The following GLI1 variants were observed in gnomAD, a reference collection of about 807,000 sequenced individuals.
GLI1 encodes transcription activator GLI1.
GLI1 carries 51 observed loss-of-function variants against 87.8 expected under a neutral mutation model. That is an observed-to-expected ratio of 0.58 (90% confidence interval 0.46 to 0.73). The LOEUF is 0.73. Among genes scored for constraint, GLI1 ranks in the 30% least tolerant of loss-of-function variants. The pLI, the probability that GLI1 is intolerant of heterozygous loss-of-function variation, is 0.00. For missense variants in GLI1, 1,292 were observed against 1,437.2 expected, an observed-to-expected ratio of 0.90 and a Z score of 1.63; for synonymous variants, 528 against 558.2, an observed-to-expected ratio of 0.95 and a Z score of 0.76.
intron 8 of GLI1, 110 bp from the exon 9 acceptor site, chr12:57,467,223 T>C: frequency 1.1e-6 from 1 of 925,166 alleles, no homozygotes; most frequent in Non-Finnish European, 1.6e-6. Context: ...CCCAGTGCCT[T>C]TCATCTTGAG....
intron 7 of GLI1, 92 bp downstream of exon 7, chr12:57,466,017 A>G (rs985083479): frequency 7.8e-7 from 1 of 1,283,192 alleles, no homozygotes; most frequent in Non-Finnish European, 1.1e-6. Flanking sequence ...GCAGGAGGTC[A>G]GAGGAGACTG....
intron 11 of GLI1, among the ~76,000 whole-genome samples, 168 bp downstream of exon 11, chr12:57,469,866 A>G (rs1480482355): frequency 2.0e-5 from 3 of 152,196 alleles, no homozygotes; most frequent in Non-Finnish European, 4.4e-5. Flanking sequence ...TGTGATGTAC[A>G]AACATGCAAA....
At chr12:57,468,980 C>G (rs902418952) in intron 10 of GLI1, among the ~76,000 whole-genome samples, 1 of 152,164 alleles carries the variant, frequency 6.6e-6, no homozygotes, top group Non-Finnish European at 1.5e-5. Context: ...TCTTGATCTC[C>G]TGACCTCGTG....
chr12:57,463,442 T>A (rs1366241635), intron 1 of GLI1, among the ~76,000 whole-genome samples: 1 of 152,164 alleles, frequency 6.6e-6, no homozygotes, highest in Non-Finnish European at 1.5e-5. Flanking sequence ...GGTCTTCAAC[T>A]GACCTCAGGT....
At chr12:57,470,016 G>T (rs1278148718) in intron 11 of GLI1, among the ~76,000 whole-genome samples, 2 of 152,214 alleles carry the variant, frequency 1.3e-5, no homozygotes, top group Admixed American at 1.3e-4. Context: ...CAACAAGAGC[G>T]AAACTCTGTT....
intron 11 of GLI1, 137 bp downstream of exon 11, chr12:57,469,835 T>C (rs749301243): frequency 6.4e-6 from 5 of 776,286 alleles, no homozygotes; most frequent in Non-Finnish European, 8.1e-6. Flanking sequence ...TCAAGACACT[T>C]TCCATTTATC....
Position 57,466,281 on chromosome 12 carries a change from C to G in GLI1, c.804C>G (p.Phe268Leu), listed in dbSNP as rs200253557. The change falls in exon 8 of 12, where the codon TTC (phenylalanine) becomes TTG (leucine). Residue 268 changes from phenylalanine to leucine, a missense_variant. Phe to Leu is a conservative substitution (Grantham distance 22, BLOSUM62 0). Around this residue, in one of 3 missense-constraint regions of GLI1, gnomAD observed 383 missense variants for 368.4 expected, o/e 1.04. Transcript: ENST00000228682. Reference protein sequence around the residue: ...SEHIHGERKEFVCHWGGCSRE... With the variant: ...SEHIHGERKELVCHWGGCSRE... The stretch of plus-strand genomic sequence containing the variant: ...ACATCCACGGGGAGCGGAAGGAGTT[C>G]GTGTGCCACTGGGGGGGCTGCTCCA... 6.2e-7 allele frequency: 1 copy of G among 1,613,970 alleles called. No individual in the cohort carries two copies. Among genetic ancestry groups the G allele is most frequent in the South Asian group, 1.1e-5 (1 of 91,068 alleles).
At position 57,465,907 on chromosome 12, in the gene GLI1, C is replaced by T. The variant is rs777102193; in HGVS notation, c.744C>T (p.Ser248=). Residue 248 remains serine, a synonymous_variant, in exon 7 of 12, where the codon TCC becomes TCT. Transcript: ENST00000228682. The part of the protein sequence containing the change: ...RWDGCSQEFD[S]QEQLVHHINS... ...ATGGCTGCAGCCAGGAATTTGACTCCCAAGAGCAGCTGGTGCACGTGAGCC... is the reference window on the plus strand; with the variant it reads ...ATGGCTGCAGCCAGGAATTTGACTCTCAAGAGCAGCTGGTGCACGTGAGCC... The T allele has an allele frequency of 3.7e-6, 6 of 1,613,988 alleles. No homozygotes were observed. In the East Asian group the frequency reaches 1.1e-4, roughly 30 times the overall value.
At chr12:57,460,999 G>T (rs73119347) in intron 1 of GLI1, among the ~76,000 whole-genome samples, 3,599 of 152,290 alleles carry the variant, frequency 0.024, 53 homozygotes, top group South Asian at 0.037. Context: ...GTGTATCCCC[G>T]TTGGCACCCC....
Position 57,463,717 on chromosome 12 carries a change from C to A in GLI1, c.26C>A (p.Pro9Gln), listed in dbSNP as rs1311532229. The change falls in exon 2 of 12, where the codon CCA becomes CAA. Residue 9 changes from proline (P) to glutamine (Q), a missense_variant. Pro to Gln is a moderately conservative substitution (Grantham distance 76). Coordinates refer to ENST00000228682, the MANE Select transcript of GLI1 (RefSeq NM_005269.3). MFNSMTPP[P>Q]ISSYGEPCCL... ...ATGTTCAACTCGATGACCCCACCAC[C>A]AATCAGTAGCTATGGCGAGCCCTGC... 1.9e-6 allele frequency: 3 copies of A among 1,612,446 alleles called. No individual in the cohort carries two copies. Among genetic ancestry groups the A allele is most frequent in the Non-Finnish European group, 2.5e-6 (3 of 1,179,390 alleles).
chr12:57,464,288 G>A (rs962469442), intron 3 of GLI1, among the ~76,000 whole-genome samples, 197 bp downstream of exon 3: 4 of 152,224 alleles, frequency 2.6e-5, no homozygotes, highest in African/African-American at 7.2e-5. Flanking sequence ...TGGGGAAGCC[G>A]TGGCAGGAAG....
Position 57,471,290 on chromosome 12 carries a change from T to C in GLI1, c.2550T>C (p.His850=), listed in dbSNP as rs924318741. The C allele has an allele frequency of 6.3e-6, 10 of 1,581,608 alleles. No individual in the cohort carries two copies. Among genetic ancestry groups the C allele is most frequent in the Non-Finnish European group, 8.6e-6 (10 of 1,164,964 alleles). Residue 850 remains histidine, a synonymous_variant, in exon 12 of 12, where the codon CAT becomes CAC. Coordinates refer to ENST00000228682, the MANE Select transcript of GLI1 (RefSeq NM_005269.3). The surrounding 1 kb of genome is among the most constrained non-coding windows in gnomAD (Gnocchi z 4.9). ...GPPHPQPLFS[H]YPQPSPPQYL... is the part of the protein sequence containing the mutation. ...CACATCCACAGCCTCTCTTTTCCCATTACCCCCAGCCCTCTCCTCCCCAAT... is the reference window on the plus strand; with the variant it reads ...CACATCCACAGCCTCTCTTTTCCCACTACCCCCAGCCCTCTCCTCCCCAAT...
intron 1 of GLI1, among the ~76,000 whole-genome samples, chr12:57,461,780 G>C (rs1407807131): frequency 1.3e-5 from 2 of 152,066 alleles, no homozygotes; most frequent in African/African-American, 4.8e-5. Context: ...AGGCGGGACC[G>C]GGAGTAGGGG....
In GLI1 at chr12:57,472,211, A is replaced by G; in HGVS notation, c.*150A>G. ...CTATGTATAGTCTGTATACGTTTTG[A>G]GGAGAAATTTGATAATGACACTGTT... On this transcript the variant is annotated 3_prime_UTR_variant, in exon 12 of 12. Transcript: ENST00000228682. 1 of 619,926 alleles carries G rather than the reference A, an allele frequency of 1.6e-6. No homozygotes were observed. The highest frequency in any genetic ancestry group is 2.9e-5 in the East Asian group (1 of 34,362). 38.4% of individuals were successfully genotyped at this position (619,926 alleles called of 1,614,324 possible).
At chr12:57,469,853 A>G (rs1160141619) in intron 11 of GLI1, among the ~76,000 whole-genome samples, 155 bp downstream of exon 11, 1 of 152,174 alleles carries the variant, frequency 6.6e-6, no homozygotes, top group Admixed American at 6.5e-5. Context: ...ATCAGAAAAT[A>G]GTTGTGATGT....
At position 57,470,321 on chromosome 12, in the gene GLI1, C is replaced by T. The variant is rs1286322318; in HGVS notation, c.1581C>T (p.Thr527=). Residue 527 remains threonine, a synonymous_variant, in exon 12 of 12, where the codon ACC becomes ACT. Coordinates refer to ENST00000228682, the MANE Select transcript of GLI1 (RefSeq NM_005269.3). The part of the protein sequence containing the change: ...LKLPSLSHTG[T]TVSRRVGPPV... ...TTTTCTCCCCATCACTTGCAGGTAC[C>T]ACTGTGTCCCGCCGCGTGGGCCCCC... 1.3e-6 allele frequency: 2 copies of T among 1,551,382 alleles called. No homozygotes were observed. Among genetic ancestry groups the T allele is most frequent in the South Asian group, 1.2e-5 (1 of 81,090 alleles).
In GLI1 at chr12:57,466,292, G is replaced by T. The variant is rs368789621; in HGVS notation, c.815G>T (p.Trp272Leu). The T allele has an allele frequency of 8.1e-6, 13 of 1,612,728 alleles. No homozygotes were observed. The highest frequency in any genetic ancestry group is 2.2e-5 in the South Asian group (2 of 90,970). Residue 272 changes from tryptophan to leucine, a missense_variant, in exon 8 of 12, where the codon TGG becomes TTG. This residue lies in a region of GLI1 where 383 missense variants were observed against 368.4 expected (regional missense o/e 1.04). Coordinates refer to ENST00000228682, the MANE Select transcript of GLI1 (RefSeq NM_005269.3). Reference sequence around the variant, plus strand: ...GAGCGGAAGGAGTTCGTGTGCCACTGGGGGGGCTGCTCCAGGGAGCTGAGG... The same window carrying T: ...GAGCGGAAGGAGTTCGTGTGCCACTTGGGGGGCTGCTCCAGGGAGCTGAGG... ...HGERKEFVCH[W>L]GGCSRELRPF...
chr12:57,462,862 G>A (rs896994413), intron 1 of GLI1, among the ~76,000 whole-genome samples: 1 of 152,172 alleles, frequency 6.6e-6, no homozygotes, highest in Non-Finnish European at 1.5e-5. Context: ...TGCAGAGATT[G>A]TACACGGGCT....
chr12:57,469,048 G>A (rs533790297), intron 10 of GLI1, among the ~76,000 whole-genome samples: 14 of 152,172 alleles, frequency 9.2e-5, no homozygotes, highest in African/African-American at 2.6e-4. Context: ...CACTGCACCC[G>A]GCAACTCTTT....
Sources: allele counts gnomAD v4.1 joint callset (sites outside exome capture counted in the v4.1 genomes callset), GRCh38; gene constraint gnomAD v4.1.1; regional missense constraint gnomAD v4.1.1; non-coding constraint Gnocchi (gnomAD v3.1); transcripts MANE v1.5; gene names NCBI Gene and HGNC (gene_info 2026-07-23, HGNC 2026-07-21).